Variants in GNA12 observed in about 807,000 individuals in gnomAD.
GNA12 encodes guanine nucleotide-binding protein subunit alpha-12.
Under a neutral mutation model 26.0 loss-of-function variants are expected in GNA12, and 9 were observed. The observed-to-expected ratio is 0.35, with a 90% CI of 0.21 to 0.60. The LOEUF is 0.60. Among genes scored for constraint, GNA12 ranks in the 20% least tolerant of loss-of-function variants. The pLI, the probability that GNA12 is intolerant of heterozygous loss-of-function variation, is 0.78. For synonymous variants in GNA12, 264 were observed against 219.6 expected, an observed-to-expected ratio of 1.20 and a Z score of -1.79; for missense variants, 405 against 525.8, an observed-to-expected ratio of 0.77 and a Z score of 2.25.
chr7:2,753,967 G>A (rs962003998), intron 2 of GNA12, among the ~76,000 whole-genome samples: 6 of 152,100 alleles, frequency 3.9e-5, no homozygotes, highest in Non-Finnish European at 7.3e-5. Flanking sequence ...GCGCATCTTA[G>A]GTGCTTTGTT....
At chr7:2,835,330 G>A (rs984301556) in intron 1 of GNA12, among the ~76,000 whole-genome samples, 3 of 152,150 alleles carry the variant, frequency 2.0e-5, no homozygotes, top group South Asian at 2.1e-4. Context: ...AGGAAGTGAC[G>A]AGATATCATC....
intron 2 of GNA12, among the ~76,000 whole-genome samples, chr7:2,790,787 A>C (rs914661790): frequency 6.6e-6 from 1 of 152,210 alleles, no homozygotes; most frequent in Non-Finnish European, 1.5e-5. Context: ...TGGGCAACAT[A>C]GTAAGACCTC....
chr7:2,816,230 T>G (rs1377202780), intron 1 of GNA12, among the ~76,000 whole-genome samples: 1 of 140,518 alleles, frequency 7.1e-6, no homozygotes, highest in Non-Finnish European at 1.6e-5. Flanking sequence ...CATGTGCTGC[T>G]CACCAAATCC....
chr7:2,815,991 C>T lies in GNA12; in HGVS notation c.310-20848G>A, dbSNP rs143608721. Among the ~76,000 whole-genome samples the T allele has an allele frequency of 2.9e-3, 447 of 152,352 alleles. 5 individuals are homozygous for T. The Middle Eastern group carries it at 0.037, about 13-fold the overall frequency. ...ACAGCCCCTGGCAAAGCTGGGCCTGCGTGGAACTGACCCAGCAACTCTGCG... is the reference window on the plus strand; with the variant it reads ...ACAGCCCCTGGCAAAGCTGGGCCTGTGTGGAACTGACCCAGCAACTCTGCG... On this transcript the variant is annotated intron_variant, in intron 1 of 3. Coordinates refer to ENST00000275364, the MANE Select transcript of GNA12 (RefSeq NM_007353.3).
At chr7:2,803,533 G>A (rs886536608) in intron 1 of GNA12, among the ~76,000 whole-genome samples, 5 of 152,214 alleles carry the variant, frequency 3.3e-5, no homozygotes, top group Non-Finnish European at 5.9e-5. Context: ...AGCACGGAGA[G>A]CAGTGAGGGC....
At chr7:2,823,846 T>C (rs1170168795) in intron 1 of GNA12, among the ~76,000 whole-genome samples, 2 of 152,204 alleles carry the variant, frequency 1.3e-5, no homozygotes, top group Admixed American at 6.5e-5. Context: ...AAGCAATGTC[T>C]TTTCTAAGAC....
At chr7:2,789,132 C>CTATTTTTTTTTTT (rs1202789852) in intron 2 of GNA12, among the ~76,000 whole-genome samples, 9 of 72,832 alleles carry the variant, frequency 1.2e-4, no homozygotes, top group Non-Finnish European at 1.9e-4. Context: ...CTTCAGGCAT[C>CTATTTTTTTTTTT]TTTTTTTTTT....
intron 2 of GNA12, among the ~76,000 whole-genome samples, chr7:2,768,935 C>A (rs1399786548): frequency 6.6e-6 from 1 of 152,098 alleles, no homozygotes; most frequent in Non-Finnish European, 1.5e-5. Flanking sequence ...GATATATTTC[C>A]TTTTCTTTGA....
At chr7:2,806,852 T>C (rs1380362294) in intron 1 of GNA12, among the ~76,000 whole-genome samples, 1 of 152,210 alleles carries the variant, frequency 6.6e-6, no homozygotes, top group Non-Finnish European at 1.5e-5. Context: ...AAGGAACTCC[T>C]TGATACATCC....
intron 2 of GNA12, among the ~76,000 whole-genome samples, chr7:2,746,849 C>T (rs1157680521): frequency 7.2e-5 from 11 of 152,162 alleles, no homozygotes; most frequent in African/African-American, 2.4e-4. Context: ...CATCACCAAT[C>T]CCACAGAAAT....
rs751533181 is a variant in GNA12, at chr7:2,799,257, C to T, written c.310-4114G>A. On this transcript the variant is annotated intron_variant, in intron 1 of 3. Coordinates refer to ENST00000275364, the MANE Select transcript of GNA12 (RefSeq NM_007353.3). ...CACATCTGCCATATCTGACAAAGGA[C>T]TCATTTAGAATATACAAGGACATTC... Among the ~76,000 whole-genome samples the T allele has an allele frequency of 2.0e-5, 3 of 152,148 alleles. No individual in the cohort carries two copies. In the South Asian group the frequency reaches 6.2e-4, roughly 32 times the overall value.
At chr7:2,814,844 T>G (rs1194027274) in intron 1 of GNA12, 1 of 1,589,676 alleles carries the variant, frequency 6.3e-7, no homozygotes. Flanking sequence ...CAGCACCGGG[T>G]GTGCACTGCT....
chr7:2,815,071 C>T (rs146769187), intron 1 of GNA12: 45 of 1,407,988 alleles, frequency 3.2e-5, no homozygotes, highest in East Asian at 2.3e-4. Flanking sequence ...TGGCAGGCTC[C>T]GAGGACACAA....
At chr7:2,821,726 G>A (rs1021384786) in intron 1 of GNA12, among the ~76,000 whole-genome samples, 1 of 152,222 alleles carries the variant, frequency 6.6e-6, no homozygotes, top group Non-Finnish European at 1.5e-5. Flanking sequence ...CCTGTGGCAA[G>A]TCTAGTAGCA....
chr7:2,840,795 A>G (rs1327035730), intron 1 of GNA12, among the ~76,000 whole-genome samples: 1 of 152,208 alleles, frequency 6.6e-6, no homozygotes, highest in Non-Finnish European at 1.5e-5. Flanking sequence ...GCAAGGCCAC[A>G]GTGAGCCATA....
intron 1 of GNA12, chr7:2,835,917 C>A: frequency 3.7e-6 from 2 of 533,624 alleles, no homozygotes; most frequent in Non-Finnish European, 7.1e-6. Flanking sequence ...AAGCAACTGA[C>A]GCCTTAGAAT....
At position 2,839,422 on chromosome 7, in the gene GNA12, C is replaced by T. The variant is rs138099665; in HGVS notation, c.309+4431G>A. Among the ~76,000 whole-genome samples the T allele has an allele frequency of 5.2e-3, 799 of 152,234 alleles. 11 individuals carry two copies. The highest frequency in any genetic ancestry group is 0.019 in the African/African-American group (769 of 41,546). On this transcript the variant is annotated intron_variant, in intron 1 of 3. Coordinates refer to ENST00000275364, the MANE Select transcript of GNA12 (RefSeq NM_007353.3). ...TTTTTGAAATGGAGTCTTGCTCTGT[C>T]GCCCAGGCTGGAGTACAGTGGCGTG... is the stretch of plus-strand genomic sequence containing the variant.
Position 2,731,610 on chromosome 7 carries a change from G to A in GNA12, c.717C>T (p.Phe239=), listed in dbSNP as rs1431626569. The change falls in exon 4 of 4, where the codon TTC becomes TTT. Residue 239 remains phenylalanine, a synonymous_variant. Coordinates refer to ENST00000275364, the MANE Select transcript of GNA12 (RefSeq NM_007353.3). The surrounding 1 kb of genome is among the most constrained non-coding windows in gnomAD (Gnocchi z 6.0). ...GGQRSQRQKW[F]QCFDGITSIL... ...TGGACGTGATCCCGTCGAAGCACTG[G>A]AACCACTTCTGGCGCTGGGACCGCT... 1 of 1,613,982 alleles carries A rather than the reference G, an allele frequency of 6.2e-7. No homozygotes were observed. Among genetic ancestry groups the A allele is most frequent in the Non-Finnish European group, 8.5e-7 (1 of 1,179,954 alleles).
At chr7:2,754,256 G>C (rs1039143437) in intron 2 of GNA12, among the ~76,000 whole-genome samples, 2 of 152,172 alleles carry the variant, frequency 1.3e-5, no homozygotes, top group East Asian at 1.9e-4. Flanking sequence ...ATGTCTTCTC[G>C]TGCTTATGTG....
Sources: allele counts gnomAD v4.1 joint callset (sites outside exome capture counted in the v4.1 genomes callset), GRCh38; gene constraint gnomAD v4.1.1; non-coding constraint Gnocchi (gnomAD v3.1); transcripts MANE v1.5; gene names NCBI Gene and HGNC (gene_info 2026-07-23, HGNC 2026-07-21).